The following STRBP variants were observed in gnomAD, a reference collection of about 807,000 sequenced individuals.
The protein encoded by STRBP is spermatid perinuclear RNA binding protein.
STRBP carries 13 observed loss-of-function variants against 80.1 expected under a neutral mutation model. That is an observed-to-expected ratio of 0.16 (90% CI 0.11 to 0.26). STRBP has a LOEUF of 0.26. Among genes scored for constraint, STRBP ranks in the 10% least tolerant of loss-of-function variants. STRBP has a pLI of 1.00. For synonymous variants in STRBP, 284 were observed against 291.2 expected (o/e 0.98, Z 0.25); for missense variants, 485 against 815.2 (o/e 0.59, Z 4.93).
At chr9:123,160,566 T>G (rs2037481091) in intron 7 of STRBP, 104 bp from the exon 8 acceptor site, 1 of 648,906 alleles carries the variant, frequency 1.5e-6, no homozygotes, top group African/African-American at 3.8e-5. Flanking sequence ...TCATCAGTTA[T>G]CAGGCAAACA....
intron 11 of STRBP, among the ~76,000 whole-genome samples, chr9:123,156,544 TAAAAC>T (rs1333412229): frequency 1.3e-5 from 2 of 151,530 alleles, no homozygotes; most frequent in African/African-American, 2.4e-5. Context: ...ATATTAAAAA[TAAAAC>T]AAAACAATTT....
At chr9:123,196,726 C>T (rs1020797179) in intron 2 of STRBP, among the ~76,000 whole-genome samples, 3 of 152,072 alleles carry the variant, frequency 2.0e-5, no homozygotes, top group African/African-American at 7.2e-5. Context: ...ATCCAAAAAG[C>T]AGGCAATAAC....
chr9:123,228,633 C>A (rs991763667), intron 2 of STRBP, among the ~76,000 whole-genome samples: 1 of 152,112 alleles, frequency 6.6e-6, no homozygotes, highest in Non-Finnish European at 1.5e-5. Flanking sequence ...TACTAATGAC[C>A]TTGTCAAGGG....
chr9:123,136,215 A>G lies in STRBP; in HGVS notation c.1633-34T>C. ...AAGAATAACACCTTGCAATTATCCCATGCAATTCCTCTATGTCCTTTTAAT... is the reference window on the plus strand; with the variant it reads ...AAGAATAACACCTTGCAATTATCCCGTGCAATTCCTCTATGTCCTTTTAAT... On this transcript the variant is annotated intron_variant, in intron 15 of 18. Transcript: ENST00000348403. This position sits in a 1 kb window ranked among gnomAD's most constrained non-coding sequence, Gnocchi z 4.2. The G allele has an allele frequency of 6.2e-7, 1 of 1,612,876 alleles. No homozygotes were observed.
chr9:123,205,461 C>T (rs538373771), intron 2 of STRBP, among the ~76,000 whole-genome samples: 5 of 152,248 alleles, frequency 3.3e-5, no homozygotes, highest in Admixed American at 2.0e-4. Context: ...AGAATGGACA[C>T]GATTATTTCT....
At chr9:123,192,925 C>A (rs938452364) in intron 2 of STRBP, among the ~76,000 whole-genome samples, 1 of 152,156 alleles carries the variant, frequency 6.6e-6, no homozygotes, top group African/African-American at 2.4e-5. Context: ...CTTGTCATTT[C>A]TCTCACCACC....
At chr9:123,163,408 A>G (rs1379904585) in intron 6 of STRBP, among the ~76,000 whole-genome samples, 2 of 152,228 alleles carry the variant, frequency 1.3e-5, no homozygotes, top group Non-Finnish European at 2.9e-5. Flanking sequence ...CAACATTTGA[A>G]GACAACACAT....
chr9:123,231,151 A>G lies in STRBP; in HGVS notation c.-165+5679T>C, dbSNP rs1009852. On this transcript the variant is annotated intron_variant, in intron 2 of 18. Coordinates refer to ENST00000348403, the MANE Select transcript of STRBP (RefSeq NM_018387.5). The stretch of plus-strand genomic sequence containing the variant: ...CTGGGGTGGGATCCAGGTTATCAGT[A>G]TTTTTTTTTTAACTCTACAGAGATT... Among the ~76,000 whole-genome samples, 64 of 149,738 alleles carry G rather than the reference A, an allele frequency of 4.3e-4. No homozygotes were observed. In the South Asian group the frequency reaches 9.3e-3, roughly 22 times the overall value.
Position 123,161,074 on chromosome 9 carries a change from A to C in STRBP, c.536-6T>G, listed in dbSNP as rs758207943. ...ATCTTTCATCGAAACATTTTCTAAC[A>C]GTAAAATGGGATAAAGAGAGACAAA... On this transcript the variant is annotated splice_polypyrimidine_tract_variant and splice_region_variant and intron_variant, in intron 6 of 18. Transcript: ENST00000348403. 2 of 1,589,458 alleles carry C rather than the reference A, an allele frequency of 1.3e-6. No homozygotes were observed. Among genetic ancestry groups the C allele is most frequent in the African/African-American group, 1.4e-5 (1 of 73,482 alleles).
intron 2 of STRBP, among the ~76,000 whole-genome samples, chr9:123,189,063 T>G (rs1429685627): frequency 1.3e-5 from 2 of 152,142 alleles, no homozygotes; most frequent in Admixed American, 6.6e-5. Flanking sequence ...CCAACCTGAA[T>G]GTCCAACAAT....
chr9:123,123,173 G>C lies in STRBP; in HGVS notation c.*2424C>G. The C allele has an allele frequency of 5.1e-6, 5 of 985,412 alleles. No homozygotes were observed. The highest frequency in any genetic ancestry group is 6.0e-6 in the Non-Finnish European group (5 of 829,938). The allele number at this position is 985,412 out of a possible 1,614,324, so 61.0% of individuals were successfully genotyped here. Reference sequence around the variant, plus strand: ...CCAAGTGAATAATAAATGGTGCGACGCTCAGAGGCTGGCAATAGGGGCTGT... The same window carrying C: ...CCAAGTGAATAATAAATGGTGCGACCCTCAGAGGCTGGCAATAGGGGCTGT... On this transcript the variant is annotated 3_prime_UTR_variant, in exon 19 of 19. Coordinates refer to ENST00000348403, the MANE Select transcript of STRBP (RefSeq NM_018387.5).
chr9:123,145,628 G>C (rs2036779859), intron 13 of STRBP, among the ~76,000 whole-genome samples: 1 of 152,168 alleles, frequency 6.6e-6, no homozygotes, highest in South Asian at 2.1e-4. Context: ...CTTAAGACGA[G>C]AGAGTGAATT....
At chr9:123,267,813 C>G (rs1306416806) in intron 1 of STRBP, among the ~76,000 whole-genome samples, 2 of 151,376 alleles carry the variant, frequency 1.3e-5, no homozygotes, top group African/African-American at 4.9e-5. Context: ...CATTCCCACC[C>G]CACTCGTCCC....
chr9:123,139,712 G>A (rs1252049635), intron 13 of STRBP, 25 bp from the exon 14 acceptor site: 2 of 1,599,354 alleles, frequency 1.3e-6, no homozygotes, highest in East Asian at 2.3e-5. Flanking sequence ...TTAAAATGCA[G>A]TTTTATTCAG....
chr9:123,115,233 G>A lies in STRBP; in HGVS notation c.*84+696C>T, dbSNP rs765186432. The A allele has an allele frequency of 2.1e-6, 1 of 471,206 alleles. No homozygotes were observed. Among genetic ancestry groups the A allele is most frequent in the Non-Finnish European group, 4.4e-6 (1 of 227,048 alleles). The allele number at this position is 471,206 out of a possible 1,614,324, so 29.2% of individuals were successfully genotyped here. A position where few individuals can be genotyped will look rare whatever the true frequency, so the allele number is the denominator to read the frequency against. On this transcript the variant is annotated intron_variant and NMD_transcript_variant, in intron 3 of 3. Coordinates refer to the STRBP transcript ENST00000471564. The surrounding 1 kb of genome is among the most constrained non-coding windows in gnomAD (Gnocchi z 5.0). ...GTGCATGCATGCCAGGCCCGCCTCT[G>A]ACTCCCCTCCTGGGGATCCCGTCTG...
chr9:123,207,986 C>T (rs1207935830), intron 2 of STRBP, among the ~76,000 whole-genome samples: 1 of 152,192 alleles, frequency 6.6e-6, no homozygotes, highest in African/African-American at 2.4e-5. Context: ...AACTTTGATC[C>T]TCTTTAGCAA....
chr9:123,200,734 ATTTTTTT>A (rs71390418), intron 2 of STRBP, among the ~76,000 whole-genome samples: 21 of 37,514 alleles, frequency 5.6e-4, no homozygotes, highest in African/African-American at 6.4e-4. Flanking sequence ...CACCCCGCTA[ATTTTTTT>A]TTTTTTTTTT....
At chr9:123,238,223 G>T (rs2040611414) in intron 1 of STRBP, among the ~76,000 whole-genome samples, 1 of 152,240 alleles carries the variant, frequency 6.6e-6, no homozygotes, top group Admixed American at 6.5e-5. Context: ...CAAGACCGGA[G>T]GATCGCTTGA....
rs1177076816 is a variant in STRBP, at chr9:123,124,702, A to C, written c.*895T>G. 1 of 985,348 alleles carries C rather than the reference A, an allele frequency of 1.0e-6. No homozygotes were observed. Among genetic ancestry groups the C allele is most frequent in the Non-Finnish European group, 1.2e-6 (1 of 829,934 alleles). 61.0% of individuals were successfully genotyped at this position (985,348 alleles called of 1,614,324 possible). On this transcript the variant is annotated 3_prime_UTR_variant, in exon 19 of 19. Coordinates refer to ENST00000348403, the MANE Select transcript of STRBP (RefSeq NM_018387.5). ...CAGAGTGAAGAAGGCCACAAGAACA[A>C]GAGAGGGTGATTGATTGATTAATTT...
Sources: gnomAD v4.1 joint callset for allele counts (sites outside exome capture counted in the v4.1 genomes callset) on GRCh38, gnomAD v4.1.1 for gene constraint, Gnocchi (gnomAD v3.1) non-coding constraint, MANE v1.5 for transcripts, NCBI Gene and HGNC (gene_info 2026-07-23, HGNC 2026-07-21) for gene names.